SSH2: variants seen among roughly 807,000 people sequenced by gnomAD.
SSH2 encodes protein phosphatase Slingshot homolog 2.
Under a neutral mutation model 135.2 loss-of-function variants are expected in SSH2, and 37 were observed. That is an observed-to-expected ratio of 0.27 (90% CI 0.21 to 0.36). The LOEUF (loss-of-function observed/expected upper bound fraction) is 0.36, where lower values mean the gene tolerates loss of function less well. Ranked by LOEUF, SSH2 falls within the 10% of genes least tolerant of loss-of-function variation. SSH2 has a pLI of 1.00. For synonymous variants in SSH2, 628 were observed against 646.2 expected, an observed-to-expected ratio of 0.97 and a Z score of 0.43; for missense variants, 1,408 against 1,765.3, an observed-to-expected ratio of 0.80 and a Z score of 3.63.
intron 2 of SSH2, among the ~76,000 whole-genome samples, chr17:29,806,709 T>G (rs1349611934): frequency 6.6e-6 from 1 of 152,244 alleles, no homozygotes; most frequent in Non-Finnish European, 1.5e-5. Flanking sequence ...GATTGGTTGA[T>G]GGCTATACCA....
chr17:29,894,849 T>A (rs1423952398), intron 1 of SSH2, among the ~76,000 whole-genome samples: 1 of 151,828 alleles, frequency 6.6e-6, no homozygotes, highest in East Asian at 1.9e-4. Context: ...CCCAATTAAG[T>A]AACTAAGTAC....
At chr17:29,691,203 T>G (rs1368355700) in intron 5 of SSH2, among the ~76,000 whole-genome samples, 1 of 152,198 alleles carries the variant, frequency 6.6e-6, no homozygotes, top group Admixed American at 6.5e-5. Context: ...TCTCATTTTC[T>G]TGAATTCTCC....
At chr17:29,848,963 A>G in intron 1 of SSH2, 34 bp from the exon 2 acceptor site, 1 of 1,431,284 alleles carries the variant, frequency 7.0e-7, no homozygotes, top group Non-Finnish European at 9.5e-7. Context: ...CAGAGATCCA[A>G]ACGAATGGGC....
chr17:29,696,172 T>TACACAC (rs1202149185), intron 4 of SSH2, among the ~76,000 whole-genome samples: 2 of 116,580 alleles, frequency 1.7e-5, no homozygotes, highest in African/African-American at 3.1e-5. Context: ...TATGTATATA[T>TACACAC]ATACACACAC....
At chr17:29,855,755 G>A (rs1333351251) in intron 1 of SSH2, 1 of 159,502 alleles carries the variant, frequency 6.3e-6, no homozygotes, top group Non-Finnish European at 1.4e-5. Context: ...TATCTACTGA[G>A]AGAATGAAGA....
At chr17:29,768,134 C>T (rs938822054) in intron 3 of SSH2, among the ~76,000 whole-genome samples, 43 of 151,806 alleles carry the variant, frequency 2.8e-4, no homozygotes, top group African/African-American at 9.4e-4. Flanking sequence ...CTGTCTTTTA[C>T]ACATTACATT....
chr17:29,729,978 C>T (rs979226015), intron 3 of SSH2, among the ~76,000 whole-genome samples: 5 of 152,052 alleles, frequency 3.3e-5, no homozygotes, highest in African/African-American at 1.2e-4. Flanking sequence ...TTTGATAGCA[C>T]AGCAGGGTGA....
intron 3 of SSH2, among the ~76,000 whole-genome samples, chr17:29,763,520 G>A (rs905422392): frequency 3.4e-5 from 5 of 148,954 alleles, no homozygotes; most frequent in African/African-American, 4.9e-5. Flanking sequence ...AAGCAGGCGC[G>A]TTAGAACAGC....
chr17:29,721,905 G>T (rs1250834808), intron 3 of SSH2, among the ~76,000 whole-genome samples: 1 of 152,076 alleles, frequency 6.6e-6, no homozygotes, highest in African/African-American at 2.4e-5. Context: ...CTCAACAAAG[G>T]GCAGAAAAGT....
chr17:29,648,460 G>T, intron 13 of SSH2, 116 bp from the exon 14 acceptor site: 1 of 796,832 alleles, frequency 1.3e-6, no homozygotes, highest in Non-Finnish European at 1.9e-6. Flanking sequence ...TTCTTGCTAT[G>T]CAATCTCTCC....
At chr17:29,643,637 G>T in intron 14 of SSH2, among the ~76,000 whole-genome samples, 1 of 152,046 alleles carries the variant, frequency 6.6e-6, no homozygotes, top group East Asian at 1.9e-4. Context: ...GGATTTGTAG[G>T]CGCCTACCAC....
At chr17:29,704,921 ACTG>A (rs1375440669) in intron 3 of SSH2, among the ~76,000 whole-genome samples, 1 of 152,188 alleles carries the variant, frequency 6.6e-6, no homozygotes, top group East Asian at 1.9e-4. Context: ...TGAGTACAGT[ACTG>A]CTATTAAAGG....
chr17:29,731,489 T>G (rs528677656), intron 3 of SSH2, among the ~76,000 whole-genome samples: 60 of 151,978 alleles, frequency 3.9e-4, no homozygotes, highest in African/African-American at 1.4e-3. Flanking sequence ...GGAGTCTCAC[T>G]CTGTCGTCCA....
intron 1 of SSH2, among the ~76,000 whole-genome samples, chr17:29,894,682 C>T (rs913908478): frequency 1.3e-5 from 2 of 151,928 alleles, no homozygotes; most frequent in Non-Finnish European, 2.9e-5. Context: ...TATTTACCTC[C>T]AACTCAAGAT....
rs1342140422 is a variant in SSH2, at chr17:29,862,577, C to T, written c.64-13648G>A. On this transcript the variant is annotated intron_variant, in intron 1 of 15. Transcript: ENST00000540801. ...GAAGAGCCGTTACATGAAACACTGCCTCCCTTGGGCTCCAGATCAACATGG... is the reference window on the plus strand; with the variant it reads ...GAAGAGCCGTTACATGAAACACTGCTTCCCTTGGGCTCCAGATCAACATGG... 2.0e-5 allele frequency among the ~76,000 whole-genome samples: 3 copies of T among 152,152 alleles called. No individual in the cohort carries two copies. In the East Asian group the frequency reaches 5.8e-4, roughly 29 times the overall value.
rs778174250 is a variant in SSH2 at position 29,880,067 on chromosome 17, C to T, written c.64-31138G>A. On this transcript the variant is annotated intron_variant, in intron 1 of 15. Coordinates refer to ENST00000540801, the MANE Select transcript of SSH2 (RefSeq NM_001282129.2). Reference sequence around the variant, plus strand: ...ATGAACAGCCTTCTAGTCATTCATTCGATTATCCATCCATCCATCCATTAT... The same window carrying T: ...ATGAACAGCCTTCTAGTCATTCATTTGATTATCCATCCATCCATCCATTAT... 3.3e-5 allele frequency among the ~76,000 whole-genome samples: 5 copies of T among 152,282 alleles called. No homozygotes were observed. In the East Asian group the frequency reaches 5.8e-4, roughly 18 times the overall value.
intron 1 of SSH2, among the ~76,000 whole-genome samples, chr17:29,895,650 C>T (rs36029870): frequency 1.2e-5 from 1 of 81,046 alleles, no homozygotes; most frequent in Non-Finnish European, 2.1e-5. Context: ...ATTTTATATA[C>T]ACATTTTATA....
chr17:29,829,110 C>T (rs1271392866), intron 2 of SSH2, among the ~76,000 whole-genome samples: 1 of 152,178 alleles, frequency 6.6e-6, no homozygotes, highest in African/African-American at 2.4e-5. Flanking sequence ...GTGGGTGGAT[C>T]TCAGAGGGAC....
chr17:29,679,483 C>A (rs1023763607), intron 6 of SSH2, among the ~76,000 whole-genome samples: 8 of 152,110 alleles, frequency 5.3e-5, no homozygotes, highest in Non-Finnish European at 8.8e-5. Context: ...TATCGGCTCA[C>A]TGCAACCTCC....
Sources: gnomAD v4.1 joint callset for allele counts (sites outside exome capture counted in the v4.1 genomes callset) on GRCh38, gnomAD v4.1.1 for gene constraint, MANE v1.5 for transcripts, NCBI Gene and HGNC (gene_info 2026-07-23, HGNC 2026-07-21) for gene names.